The following ST6GALNAC1 variants were observed in gnomAD, a reference collection of about 807,000 sequenced individuals.
ST6GALNAC1 encodes the protein ST6 N-acetylgalactosaminide alpha-2,6-sialyltransferase 1.
Under a neutral mutation model 56.8 loss-of-function variants are expected in ST6GALNAC1, and 45 were observed. That is an observed-to-expected ratio of 0.79 (90% CI 0.62 to 1.02). The LOEUF (loss-of-function observed/expected upper bound fraction) is 1.02. ST6GALNAC1 is among the 50% of genes least tolerant of loss of function. The pLI is 0.00. For missense variants in ST6GALNAC1, 743 were observed against 754.8 expected, an observed-to-expected ratio of 0.98 and a Z score of 0.18; for synonymous variants, 295 against 297.8, an observed-to-expected ratio of 0.99 and a Z score of 0.10.
At chr17:76,642,922 CAAAAA>C (rs59053510) in intron 1 of ST6GALNAC1, among the ~76,000 whole-genome samples, 2 of 87,236 alleles carry the variant, frequency 2.3e-5, no homozygotes, top group Non-Finnish European at 4.6e-5. Flanking sequence ...GACTCCGTCT[CAAAAA>C]AAAAAAAAAA....
intron 1 of ST6GALNAC1, chr17:76,637,445 T>A: frequency 1.0e-5 from 3 of 298,648 alleles, no homozygotes; most frequent in Admixed American, 5.1e-5. Context: ...CACCACCCCC[T>A]CCTCAACCCC....
In ST6GALNAC1 at chr17:76,627,497, G is replaced by A. The variant is rs376268004; in HGVS notation, c.918C>T (p.Asp306=). The change falls in exon 3 of 9, where the codon GAC becomes GAT. Residue 306 remains aspartate, a synonymous_variant. Transcript: ENST00000156626. The surrounding 1 kb of genome is among the most constrained non-coding windows in gnomAD (Gnocchi z 4.4). ...ACTCACTCTGGTTGAAGTGTCTGGAGTCCAGGAAGAGAGTGAGGTTGGGCA... is the reference window on the plus strand; with the variant it reads ...ACTCACTCTGGTTGAAGTGTCTGGAATCCAGGAAGAGAGTGAGGTTGGGCA... The part of the protein sequence containing the change: ...LFLPNLTLFL[D]SRHFNQSEWD... The A allele has an allele frequency of 1.2e-6, 2 of 1,614,108 alleles. No homozygotes were observed.
rs200189269 is a variant in ST6GALNAC1 at position 76,625,526 on chromosome 17, A to G, written c.1607T>C (p.Val536Ala). ...LLTALQLCDQ[V>A]SAYGFITEGH... ...CTCAGTGATGAAGCCATAAGCACTC[A>G]CCTACATCACGGTTGGAGGAGAAAC... Residue 536 changes from valine (V) to alanine (A), a missense_variant and splice_region_variant, in exon 9 of 9, where the codon GTG becomes GCG. Physicochemically the swap from Val to Ala is moderately conservative, Grantham distance 64. Coordinates refer to ENST00000156626, the MANE Select transcript of ST6GALNAC1 (RefSeq NM_018414.5). 2.6e-5 allele frequency: 42 copies of G among 1,613,548 alleles called. No homozygotes were observed. In the East Asian group the frequency reaches 8.9e-4, roughly 34 times the overall value.
chr17:76,625,597 C>A, intron 8 of ST6GALNAC1, 70 bp from the exon 9 acceptor site: 1 of 1,559,476 alleles, frequency 6.4e-7, no homozygotes, highest in African/African-American at 1.4e-5. Context: ...ATGGCTAATT[C>A]TGTGTTGAGG....
chr17:76,643,742 C>T lies in ST6GALNAC1; in HGVS notation c.-104G>A. The T allele has an allele frequency of 1.7e-6, 2 of 1,211,130 alleles. No homozygotes were observed. Among genetic ancestry groups the T allele is most frequent in the South Asian group, 1.4e-5 (1 of 71,762 alleles). 75.0% of individuals were successfully genotyped at this position (1,211,130 alleles called of 1,614,324 possible). A position where few individuals can be genotyped will look rare whatever the true frequency, so the allele number is the denominator to read the frequency against. ...GGTTTCCTGGCCAGGAAGTGCACAC[C>T]CTTTGTCTTAACAATGAGCCACTCC... On this transcript the variant is annotated 5_prime_UTR_variant, in exon 1 of 9. Transcript: ENST00000156626.
At chr17:76,626,524 C>T (rs2075800881) in intron 5 of ST6GALNAC1, 127 bp downstream of exon 5, 2 of 1,518,740 alleles carry the variant, frequency 1.3e-6, no homozygotes, top group Non-Finnish European at 9.1e-7. Context: ...CACTCCTGCC[C>T]TTATAGGAGG....
rs186929227 is a variant in ST6GALNAC1 at position 76,632,318 on chromosome 17, C to T, written c.132-2607G>A. On this transcript the variant is annotated intron_variant, in intron 1 of 8. Coordinates refer to ENST00000156626, the MANE Select transcript of ST6GALNAC1 (RefSeq NM_018414.5). ...GGCAGGCACCTTAACTTGGCCGTGG[C>T]GGGGAGAGATGATGAGGCAGGGGTG... Among the ~76,000 whole-genome samples, 179 of 152,188 alleles carry T rather than the reference C, an allele frequency of 1.2e-3. 1 individual carries two copies. The highest frequency in any genetic ancestry group is 8.8e-4 in the Non-Finnish European group (60 of 68,012).
rs201613992 is a variant in ST6GALNAC1, at chr17:76,629,000, G to A, written c.831+12C>T. 6.6e-7 allele frequency: 1 copy of A among 1,521,616 alleles called. No homozygotes were observed. Among genetic ancestry groups the A allele is most frequent in the Non-Finnish European group, 8.8e-7 (1 of 1,136,624 alleles). The allele number at this position is 1,521,616 out of a possible 1,614,324, so 94.3% of individuals were successfully genotyped here. On this transcript the variant is annotated intron_variant, in intron 2 of 8. Transcript: ENST00000156626. ...TGGGAGCCAGAGGGAAGGCGTGGTG[G>A]CAAAAACTCACCGTCTGAAGGCCTC...
the ST6GALNAC1 span, among the ~76,000 whole-genome samples, chr17:76,619,440 G>C: frequency 4.6e-3 from 705 of 152,250 alleles, 9 homozygotes; most frequent in African/African-American, 0.016. Context: ...CTGATACCTT[G>C]AATTCTAGTC....
intron 1 of ST6GALNAC1, among the ~76,000 whole-genome samples, chr17:76,642,272 A>G (rs2076059902): frequency 6.6e-6 from 1 of 150,486 alleles, no homozygotes; most frequent in Non-Finnish European, 1.5e-5. Context: ...GTATAGCATA[A>G]AGGTAATGAG....
chr17:76,626,685 C>A lies in ST6GALNAC1; in HGVS notation c.1277G>T (p.Gly426Val). 2.5e-6 allele frequency: 4 copies of A among 1,614,212 alleles called. No individual in the cohort carries two copies. The highest frequency in any genetic ancestry group is 1.1e-5 in the South Asian group (1 of 91,080). The change falls in exon 5 of 9, where the codon GGC becomes GTC. Residue 426 changes from glycine to valine, a missense_variant. Coordinates refer to ENST00000156626, the MANE Select transcript of ST6GALNAC1 (RefSeq NM_018414.5). Reference sequence around the variant, plus strand: ...AGGCACGTTCTTGAAACCCCGATTGCCCAATATAAGGAGTGACTGGGTCAG... The same window carrying A: ...AGGCACGTTCTTGAAACCCCGATTGACCAATATAAGGAGTGACTGGGTCAG... ...FSLTQSLLIL[G>V]NRGFKNVPLG...
At chr17:76,635,489 C>G (rs1029979864) in intron 1 of ST6GALNAC1, among the ~76,000 whole-genome samples, 5 of 151,956 alleles carry the variant, frequency 3.3e-5, no homozygotes, top group African/African-American at 1.2e-4. Flanking sequence ...AAAATACAAA[C>G]GGCTGGGTGT....
rs773007660 is a variant in ST6GALNAC1 at position 76,629,601 on chromosome 17, G to A, written c.242C>T (p.Pro81Leu). The change falls in exon 2 of 9, where the codon CCA (proline) becomes CTA (leucine). Residue 81 changes from proline to leucine, a missense_variant. Pro to Leu is a moderately conservative substitution (Grantham distance 98). Coordinates refer to ENST00000156626, the MANE Select transcript of ST6GALNAC1 (RefSeq NM_018414.5). The stretch of plus-strand genomic sequence containing the variant: ...TTGTGTGTTGAGGGCATTGTTCTCT[G>A]GCACTGGCTCTGCATAGATGGTTGT... The part of the protein sequence containing the change: ...RRTTIYAEPV[P>L]ENNALNTQTQ... 4.3e-6 allele frequency: 7 copies of A among 1,613,678 alleles called. No individual in the cohort carries two copies. Among genetic ancestry groups the A allele is most frequent in the Non-Finnish European group, 5.9e-6 (7 of 1,179,736 alleles).
downstream of ST6GALNAC1, among the ~76,000 whole-genome samples, chr17:76,622,107 T>G (rs868740669): frequency 2.5e-4 from 38 of 151,356 alleles, no homozygotes; most frequent in African/African-American, 7.8e-4. Flanking sequence ...CCTGCATTTC[T>G]CACTATGAGT....
intron 1 of ST6GALNAC1, among the ~76,000 whole-genome samples, chr17:76,635,975 CCTAAG>C (rs2075969053): frequency 1.3e-5 from 2 of 152,112 alleles, no homozygotes. Context: ...GTAGGGGTTA[CCTAAG>C]CTGAGTCTTT....
chr17:76,633,402 C>T (rs911461150), intron 1 of ST6GALNAC1, among the ~76,000 whole-genome samples: 3 of 152,050 alleles, frequency 2.0e-5, no homozygotes, highest in African/African-American at 7.2e-5. Context: ...CCCAGCTACT[C>T]GGGAGGCTGA....
rs2075855870 is a variant in ST6GALNAC1, at chr17:76,629,205, CTTG to C, written c.635_637del (p.Thr212del). On this transcript the variant is annotated inframe_deletion, in exon 2 of 9. Coordinates refer to ENST00000156626, the MANE Select transcript of ST6GALNAC1 (RefSeq NM_018414.5). ...TGTGGTCACTCCTTTCTGTCTCGTC[CTTG>C]TTGACACTGCTCCTGTGGGAGCCAG... The C allele has an allele frequency of 6.2e-7, 1 of 1,614,122 alleles. No homozygotes were observed. The highest frequency in any genetic ancestry group is 1.1e-5 in the South Asian group (1 of 91,080).
rs2075787547 is a variant in ST6GALNAC1, at chr17:76,625,711, C to G, written c.1605+108G>C. 5 of 1,186,686 alleles carry G rather than the reference C, an allele frequency of 4.2e-6. No homozygotes were observed. The East Asian group carries it at 1.3e-4, about 30-fold the overall frequency. 73.5% of individuals were successfully genotyped at this position (1,186,686 alleles called of 1,614,324 possible). A position where few individuals can be genotyped will look rare whatever the true frequency, so the allele number is the denominator to read the frequency against. Reference sequence around the variant, plus strand: ...CCCATACTCATGCCCACCCTCTTTCCCAGCAGATGTGGGCACCCAGCCCAT... The same window carrying G: ...CCCATACTCATGCCCACCCTCTTTCGCAGCAGATGTGGGCACCCAGCCCAT... On this transcript the variant is annotated intron_variant, in intron 8 of 8. Coordinates refer to ENST00000156626, the MANE Select transcript of ST6GALNAC1 (RefSeq NM_018414.5).
intron 1 of ST6GALNAC1, among the ~76,000 whole-genome samples, chr17:76,638,280 T>G (rs1027581243): frequency 9.2e-5 from 14 of 151,704 alleles, no homozygotes; most frequent in African/African-American, 3.4e-4. Context: ...GACATAGTCT[T>G]AGATGACATC....
Sources: allele counts gnomAD v4.1 joint callset (sites outside exome capture counted in the v4.1 genomes callset), GRCh38; gene constraint gnomAD v4.1.1; non-coding constraint Gnocchi (gnomAD v3.1); transcripts MANE v1.5; gene names NCBI Gene and HGNC (gene_info 2026-07-23, HGNC 2026-07-21).